The following BCAR3 variants were observed in gnomAD, a reference collection of about 807,000 sequenced individuals.
BCAR3 encodes BCAR3 adaptor protein, NSP family member, also known as breast cancer anti-estrogen resistance protein 3.
Under a neutral mutation model 80.1 loss-of-function variants are expected in BCAR3, and 37 were observed. The ratio of observed to expected loss-of-function variants is 0.46; its 90% confidence interval spans 0.36 to 0.61. BCAR3 has a LOEUF of 0.61. BCAR3 is among the 20% of genes least tolerant of loss of function. The pLI is 0.00. For synonymous variants in BCAR3, 389 were observed against 418.9 expected (o/e 0.93, Z 0.87); for missense variants, 978 against 1,068.2 (o/e 0.92, Z 1.18).
chr1:93,641,588 C>G (rs932675164), intron 3 of BCAR3, among the ~76,000 whole-genome samples: 1 of 152,196 alleles, frequency 6.6e-6, no homozygotes, highest in Admixed American at 6.5e-5. Context: ...TGAAAAGCAT[C>G]TTTTCTTCCT....
intron 2 of BCAR3, among the ~76,000 whole-genome samples, chr1:93,763,564 A>T (rs777604609): frequency 6.6e-6 from 1 of 152,202 alleles, no homozygotes; most frequent in African/African-American, 2.4e-5. Context: ...ATTTGAACTC[A>T]AGCCTCCAGG....
At chr1:93,664,996 G>A (rs1647834667) in intron 2 of BCAR3, among the ~76,000 whole-genome samples, 1 of 148,496 alleles carries the variant, frequency 6.7e-6, no homozygotes. Flanking sequence ...AACTAATCGA[G>A]AGGCAGAATA....
At chr1:93,636,552 GA>G (rs537240776) in intron 3 of BCAR3, among the ~76,000 whole-genome samples, 17 of 137,686 alleles carry the variant, frequency 1.2e-4, no homozygotes, top group Admixed American at 1.5e-4. Context: ...TGGCTAATTT[GA>G]AAAAAAAAAA....
intron 2 of BCAR3, among the ~76,000 whole-genome samples, chr1:93,706,372 T>C (rs189969626): frequency 1.5e-3 from 232 of 152,272 alleles, no homozygotes; most frequent in African/African-American, 5.3e-3. Flanking sequence ...CAGGTTACAA[T>C]TAATTACAAA....
At chr1:93,587,699 GCC>G (rs1424374214) in intron 5 of BCAR3, among the ~76,000 whole-genome samples, 1 of 134,968 alleles carries the variant, frequency 7.4e-6, no homozygotes, top group African/African-American at 3.3e-5. Context: ...GGACCCCCCC[GCC>G]AAAAAAAAAA....
At chr1:93,652,669 C>T (rs937215413) in intron 2 of BCAR3, among the ~76,000 whole-genome samples, 3 of 151,748 alleles carry the variant, frequency 2.0e-5, no homozygotes, top group African/African-American at 7.3e-5. Flanking sequence ...TTGGCTTATG[C>T]CAATTATGAG....
At chr1:93,632,541 G>C (rs1675658273) in intron 3 of BCAR3, among the ~76,000 whole-genome samples, 2 of 152,126 alleles carry the variant, frequency 1.3e-5, no homozygotes, top group African/African-American at 4.8e-5. Context: ...TGTATTAAAT[G>C]CATTTTCAAC....
At chr1:93,711,438 T>G (rs1455937513) in intron 2 of BCAR3, among the ~76,000 whole-genome samples, 2 of 152,194 alleles carry the variant, frequency 1.3e-5, no homozygotes, top group East Asian at 3.9e-4. Flanking sequence ...ACGTGGCAGC[T>G]ACAGAGTTTC....
chr1:93,740,242 C>T (rs1378966870), intron 2 of BCAR3, among the ~76,000 whole-genome samples: 1 of 152,150 alleles, frequency 6.6e-6, no homozygotes, highest in Non-Finnish European at 1.5e-5. Flanking sequence ...GTGTGGCATC[C>T]AGGCCTAGGA....
At position 93,692,984 on chromosome 1, in the gene BCAR3, G is replaced by A. The variant is rs1649249054; in HGVS notation, c.-12+13108C>T. On this transcript the variant is annotated intron_variant, in intron 3 of 13. Coordinates refer to the BCAR3 transcript ENST00000370244. ...TACATACACTTGAATTTTCCCCATG[G>A]CAGGAACCCACATTGAAGGTTCACA... Among the ~76,000 whole-genome samples the A allele has an allele frequency of 2.0e-5, 3 of 152,122 alleles. No homozygotes were observed. In the South Asian group the frequency reaches 6.2e-4, roughly 32 times the overall value.
At chr1:93,829,646 T>C (rs982286196) in intron 2 of BCAR3, among the ~76,000 whole-genome samples, 146 of 152,186 alleles carry the variant, frequency 9.6e-4, no homozygotes, top group African/African-American at 3.4e-3. Flanking sequence ...CCACCACGCC[T>C]GGCCTAAAAC....
intron 2 of BCAR3, among the ~76,000 whole-genome samples, chr1:93,811,437 T>C (rs1487749314): frequency 6.6e-6 from 1 of 152,174 alleles, no homozygotes; most frequent in East Asian, 1.9e-4. Context: ...AGGGTGAGGC[T>C]CAAAGCAGTT....
At chr1:93,785,077 A>G (rs1234503757) in intron 2 of BCAR3, among the ~76,000 whole-genome samples, 2 of 152,236 alleles carry the variant, frequency 1.3e-5, no homozygotes. Context: ...GAGTTGGGGC[A>G]TATCATTCAT....
At chr1:93,588,928 T>C (rs1034107162) in intron 5 of BCAR3, 49 bp downstream of exon 5, 5 of 1,488,914 alleles carry the variant, frequency 3.4e-6, no homozygotes, top group Non-Finnish European at 4.5e-6. Flanking sequence ...TAACTAACCT[T>C]GGGCACCCCG....
chr1:93,835,096 C>T (rs1654715820), intron 2 of BCAR3, among the ~76,000 whole-genome samples: 1 of 152,162 alleles, frequency 6.6e-6, no homozygotes, highest in Non-Finnish European at 1.5e-5. Flanking sequence ...AATTCATTGC[C>T]TTAACTTGGG....
At chr1:93,608,684 C>T (rs936420728) in intron 3 of BCAR3, among the ~76,000 whole-genome samples, 35 of 152,184 alleles carry the variant, frequency 2.3e-4, no homozygotes, top group Non-Finnish European at 3.4e-4. Flanking sequence ...GCTAGGGAAC[C>T]GGGTCCTGGG....
In BCAR3 at chr1:93,750,164, GCAAA is replaced by G. The variant is rs1322696561; in HGVS notation, c.-62-44026_-62-44023del. Among the ~76,000 whole-genome samples the G allele has an allele frequency of 2.6e-5, 4 of 152,192 alleles. No homozygotes were observed. In the South Asian group the frequency reaches 6.2e-4, roughly 24 times the overall value. On this transcript the variant is annotated intron_variant, in intron 2 of 13. Transcript: ENST00000370244. Reference sequence around the variant, plus strand: ...GGAAATCACAGAAGTTGTTCAAAGAGCAAACAGAGTTCTGATCAGACTGCTTCCT... The same window carrying G: ...GGAAATCACAGAAGTTGTTCAAAGAGCAGAGTTCTGATCAGACTGCTTCCT...
At chr1:93,654,994 T>A (rs937210813) in intron 2 of BCAR3, among the ~76,000 whole-genome samples, 1 of 152,254 alleles carries the variant, frequency 6.6e-6, no homozygotes, top group African/African-American at 2.4e-5. Flanking sequence ...TCCAGTTTAC[T>A]CACCTTGGTA....
intron 3 of BCAR3, among the ~76,000 whole-genome samples, chr1:93,690,260 CA>C (rs1649143430): frequency 6.6e-6 from 1 of 152,198 alleles, no homozygotes; most frequent in Non-Finnish European, 1.5e-5. Context: ...CTGGTGAGCA[CA>C]AAGGGATGCT....
Sources: gnomAD v4.1 joint callset for allele counts (sites outside exome capture counted in the v4.1 genomes callset) on GRCh38, gnomAD v4.1.1 for gene constraint, MANE v1.5 for transcripts, NCBI Gene and HGNC (gene_info 2026-07-23, HGNC 2026-07-21) for gene names.